Variants in PUS7L observed in about 807,000 individuals in gnomAD.
The protein encoded by PUS7L is pseudouridylate synthase PUS7L.
In PUS7L, 49 loss-of-function variants were observed where a neutral mutation model predicts 51.1. That is an observed-to-expected ratio of 0.96 (90% CI 0.76 to 1.22). The LOEUF (loss-of-function observed/expected upper bound fraction) is 1.22, where lower values mean the gene tolerates loss of function less well. Ranked by LOEUF, PUS7L falls within the 50% of genes most tolerant of loss-of-function variation. The probability of loss-of-function intolerance (pLI) is 0.00; values close to 1 mark genes in which losing one functional copy is unlikely to be tolerated. For missense variants in PUS7L, 828 were observed against 820.6 expected (o/e 1.01, Z -0.11); for synonymous variants, 277 against 276.2 (o/e 1.00, Z -0.03).
At position 43,731,727 on chromosome 12, in the gene PUS7L, G is replaced by A. The variant is rs1944559429; in HGVS notation, c.1757C>T (p.Ala586Val). 6.3e-7 allele frequency: 1 copy of A among 1,580,728 alleles called. No individual in the cohort carries two copies. Among genetic ancestry groups the A allele is most frequent in the African/African-American group, 1.3e-5 (1 of 74,114 alleles). Reference protein sequence around the residue: ...IHLVTEEEGSANMYAIHQVVL... With the variant: ...IHLVTEEEGSVNMYAIHQVVL... Reference sequence around the variant, plus strand: ...TACCTGATGTATTGCATACATATTAGCTGATCCCTCCTCTTCAGTTACCAG... The same window carrying A: ...TACCTGATGTATTGCATACATATTAACTGATCCCTCCTCTTCAGTTACCAG... Residue 586 changes from alanine (A) to valine (V), a missense_variant, in exon 8 of 9, where the codon GCT becomes GTT. Ala to Val is a moderately conservative substitution (Grantham distance 64). Transcript: ENST00000344862.
At chr12:43,747,388 A>C (rs76719832) in intron 3 of PUS7L, among the ~76,000 whole-genome samples, 5 of 152,080 alleles carry the variant, frequency 3.3e-5, no homozygotes, top group Non-Finnish European at 7.4e-5. Context: ...ATGCAGTATG[A>C]TTTTCATATA....
chr12:43,738,118 A>C, intron 6 of PUS7L, 192 bp downstream of exon 6: 2 of 504,592 alleles, frequency 4.0e-6, no homozygotes, highest in Non-Finnish European at 6.9e-6. Flanking sequence ...TAGCATAGAC[A>C]AAAAAACTTC....
chr12:43,748,444 T>C lies in PUS7L; in HGVS notation c.1070+6A>G. 6.4e-7 allele frequency: 1 copy of C among 1,573,860 alleles called. No individual in the cohort carries two copies. ...TCTATCCTAAAATTTCTTAATATCT[T>C]ATTACCTCTCTGGAGTCACTTTTCT... is the stretch of plus-strand genomic sequence containing the variant. On this transcript the variant is annotated splice_donor_region_variant and intron_variant, in intron 3 of 8. Coordinates refer to ENST00000344862, the MANE Select transcript of PUS7L (RefSeq NM_031292.5).
At chr12:43,737,892 A>C (rs1937686820) in intron 6 of PUS7L, 1 of 173,906 alleles carries the variant, frequency 5.8e-6, no homozygotes, top group Admixed American at 5.6e-5. Flanking sequence ...ACGTTTTAAA[A>C]ATTGACAGGG....
chr12:43,754,238 C>T, intron 2 of PUS7L, 98 bp downstream of exon 2: 1 of 805,552 alleles, frequency 1.2e-6, no homozygotes. Context: ...ATCATATATT[C>T]TTTCCAATCT....
intron 4 of PUS7L, among the ~76,000 whole-genome samples, chr12:43,744,505 TC>T (rs1938070393): frequency 3.9e-5 from 6 of 152,180 alleles, no homozygotes; most frequent in Admixed American, 3.9e-4. Context: ...TCCTGAGGCC[TC>T]CCCACCTATA....
At chr12:43,741,225 C>T (rs1937884113) in intron 5 of PUS7L, among the ~76,000 whole-genome samples, 1 of 152,154 alleles carries the variant, frequency 6.6e-6, no homozygotes, top group South Asian at 2.1e-4. Context: ...ACAGGACATT[C>T]CAGTTATTTG....
At chr12:43,733,224 C>T (rs1944602036) in intron 7 of PUS7L, among the ~76,000 whole-genome samples, 1 of 152,084 alleles carries the variant, frequency 6.6e-6, no homozygotes, top group African/African-American at 2.4e-5. Flanking sequence ...TGTAGATACA[C>T]CTGTTAGTCT....
rs1275462304 is a variant in PUS7L at position 43,729,512 on chromosome 12, C to T, written c.*864G>A. 2 of 286,064 alleles carry T rather than the reference C, an allele frequency of 7.0e-6. No individual in the cohort carries two copies. Among genetic ancestry groups the T allele is most frequent in the Non-Finnish European group, 6.5e-6 (1 of 154,574 alleles). The allele number at this position is 286,064 out of a possible 1,614,324, so 17.7% of individuals were successfully genotyped here. On this transcript the variant is annotated 3_prime_UTR_variant, in exon 9 of 9. Transcript: ENST00000344862. Reference sequence around the variant, plus strand: ...GATTTATAATGTGGGATAGTTAAACCAACAAAAATTAAAATTTTCAAATGG... The same window carrying T: ...GATTTATAATGTGGGATAGTTAAACTAACAAAAATTAAAATTTTCAAATGG...
chr12:43,732,875 C>G (rs1944592286), intron 7 of PUS7L, among the ~76,000 whole-genome samples: 1 of 152,170 alleles, frequency 6.6e-6, no homozygotes, highest in East Asian at 1.9e-4. Flanking sequence ...CAGATGTGAT[C>G]TGATCAAAAT....
intron 5 of PUS7L, chr12:43,739,391 T>C (rs898959339): frequency 6.6e-6 from 1 of 152,326 alleles, no homozygotes; most frequent in South Asian, 2.1e-4. Context: ...TAGGATTAAA[T>C]GAATTAAAGT....
Position 43,728,424 on chromosome 12 carries a change from C to A in PUS7L, c.*1952G>T, listed in dbSNP as rs971410353. 7.9e-5 allele frequency: 12 copies of A among 151,976 alleles called. No individual in the cohort carries two copies. Among genetic ancestry groups the A allele is most frequent in the African/African-American group, 2.9e-4 (12 of 41,408 alleles). The allele number at this position is 151,976 out of a possible 1,614,324, so 9.4% of individuals were successfully genotyped here. A position where few individuals can be genotyped will look rare whatever the true frequency, so the allele number is the denominator to read the frequency against. ...GATTGCTATTCAAAACTTTTAAAAA[C>A]TAGGATTTAATAATGTATATAACTC... On this transcript the variant is annotated 3_prime_UTR_variant, in exon 9 of 9. Transcript: ENST00000344862.
Position 43,730,273 on chromosome 12 carries a change from A to G in PUS7L, c.*103T>C, listed in dbSNP as rs1944518222. 11 of 748,672 alleles carry G rather than the reference A, an allele frequency of 1.5e-5. No homozygotes were observed. The East Asian group carries it at 2.9e-4, about 20-fold the overall frequency. The allele number at this position is 748,672 out of a possible 1,614,324, so 46.4% of individuals were successfully genotyped here. The stretch of plus-strand genomic sequence containing the variant: ...CAGGATGCTGTGAAAATTAAAAGAG[A>G]TAACAATTATGAAGTTCCTAACACA... On this transcript the variant is annotated 3_prime_UTR_variant, in exon 9 of 9. Transcript: ENST00000344862.
At chr12:43,736,295 A>C (rs1592162450) in intron 7 of PUS7L, 86 bp downstream of exon 7, 2 of 1,083,812 alleles carry the variant, frequency 1.8e-6, no homozygotes, top group East Asian at 2.4e-5. Flanking sequence ...TGTATGTTTA[A>C]AGTGTTTCTA....
At position 43,726,818 on chromosome 12, in the gene PUS7L, A is replaced by G. The variant is rs1944461166; in HGVS notation, c.*3558T>C. 2 of 150,688 alleles carry G rather than the reference A, an allele frequency of 1.3e-5. No individual in the cohort carries two copies. The highest frequency in any genetic ancestry group is 2.4e-5 in the African/African-American group (1 of 41,000). 9.3% of individuals were successfully genotyped at this position (150,688 alleles called of 1,614,324 possible). ...ACTCCAGCCTGGGTGACAGAAGGAAACTCCATCTAAAAAAAAAAAAAAATT... is the reference window on the plus strand; with the variant it reads ...ACTCCAGCCTGGGTGACAGAAGGAAGCTCCATCTAAAAAAAAAAAAAAATT... On this transcript the variant is annotated 3_prime_UTR_variant, in exon 9 of 9. Coordinates refer to ENST00000344862, the MANE Select transcript of PUS7L (RefSeq NM_031292.5).
intron 7 of PUS7L, among the ~76,000 whole-genome samples, chr12:43,734,460 T>C (rs1045725843): frequency 3.3e-5 from 5 of 152,160 alleles, no homozygotes; most frequent in Admixed American, 3.3e-4. Context: ...ACCAATAAAT[T>C]CCCATGTTTC....
At chr12:43,741,155 T>C (rs1937881518) in intron 5 of PUS7L, 1 of 152,202 alleles carries the variant, frequency 6.6e-6, no homozygotes, top group Non-Finnish European at 1.5e-5. Flanking sequence ...GAGCATGTAA[T>C]ATGAGGTTTG....
intron 7 of PUS7L, among the ~76,000 whole-genome samples, chr12:43,732,168 T>G (rs1177934946): frequency 6.6e-6 from 1 of 152,108 alleles, no homozygotes; most frequent in Non-Finnish European, 1.5e-5. Flanking sequence ...GAACTGATTT[T>G]TCTCTGACTG....
Position 43,719,800 on chromosome 12 carries a change from G to A in PUS7L, c.*10576C>T, listed in dbSNP as rs1041243197. The A allele has an allele frequency of 2.6e-5, 4 of 152,076 alleles. No homozygotes were observed. Among genetic ancestry groups the A allele is most frequent in the African/African-American group, 9.7e-5 (4 of 41,414 alleles). The allele number at this position is 152,076 out of a possible 1,614,324, so 9.4% of individuals were successfully genotyped here. On this transcript the variant is annotated 3_prime_UTR_variant, in exon 9 of 9. Coordinates refer to ENST00000344862, the MANE Select transcript of PUS7L (RefSeq NM_031292.5). ...TTTTAATTTTTACAGCACCTATAGT[G>A]ATTTCCTTTCCAATTATGATATTGG...
Sources: allele counts gnomAD v4.1 joint callset (sites outside exome capture counted in the v4.1 genomes callset), GRCh38; gene constraint gnomAD v4.1.1; transcripts MANE v1.5; gene names NCBI Gene and HGNC (gene_info 2026-07-23, HGNC 2026-07-21).